Variants in KIAA0513 observed in about 807,000 individuals in gnomAD.
The protein encoded by KIAA0513 is KIAA0513.
In KIAA0513, 39 loss-of-function variants were observed where a neutral mutation model predicts 56.5. The ratio of observed to expected loss-of-function variants is 0.69; its 90% CI spans 0.53 to 0.90. KIAA0513 has a LOEUF of 0.90. KIAA0513 is among the 40% of genes least tolerant of loss of function. The pLI is 0.00. For synonymous variants in KIAA0513, 268 were observed against 215.6 expected (o/e 1.24, Z -2.13); for missense variants, 591 against 535.2 (o/e 1.10, Z -1.03).
intron 2 of KIAA0513, among the ~76,000 whole-genome samples, chr16:85,071,502 A>C (rs934765786): frequency 2.6e-5 from 4 of 152,256 alleles, no homozygotes; most frequent in Admixed American, 2.0e-4. Flanking sequence ...GGCGCAGGGG[A>C]AGGACATGGG....
At chr16:85,063,907 T>G (rs1302279778) in intron 1 of KIAA0513, among the ~76,000 whole-genome samples, 17 of 152,146 alleles carry the variant, frequency 1.1e-4, no homozygotes, top group Non-Finnish European at 4.4e-5. Flanking sequence ...TTCTGTTTAC[T>G]TCACTAGAAA....
chr16:85,069,422 G>C (rs374994735), intron 2 of KIAA0513, among the ~76,000 whole-genome samples: 1 of 152,154 alleles, frequency 6.6e-6, no homozygotes, highest in East Asian at 1.9e-4. Flanking sequence ...TTCCCTGGAT[G>C]GCCGTTCTTT....
Position 85,089,211 on chromosome 16 carries a change from C to G in KIAA0513, c.*886C>G, listed in dbSNP as rs561677293. On this transcript the variant is annotated 3_prime_UTR_variant, in exon 13 of 13. Coordinates refer to ENST00000683363, the MANE Select transcript of KIAA0513 (RefSeq NM_001388359.1). The surrounding 1 kb of genome is among the most constrained non-coding windows in gnomAD (Gnocchi z 4.2). ...GTTTCTTTAGTAGCCACTAGACAAC[C>G]ACCCTTTCTGAAAGCAAACAGTGCT... 13 of 152,390 alleles carry G rather than the reference C, an allele frequency of 8.5e-5. No individual in the cohort carries two copies. The East Asian group carries it at 2.1e-3, about 25-fold the overall frequency. The allele number at this position is 152,390 out of a possible 1,614,324, so 9.4% of individuals were successfully genotyped here. A position where few individuals can be genotyped will look rare whatever the true frequency, so the allele number is the denominator to read the frequency against.
chr16:85,063,879 T>C (rs1045135085), intron 1 of KIAA0513, among the ~76,000 whole-genome samples: 19 of 152,112 alleles, frequency 1.2e-4, no homozygotes, highest in African/African-American at 4.3e-4. Flanking sequence ...TCAGTAAACC[T>C]TGGCTGACCG....
intron 1 of KIAA0513, among the ~76,000 whole-genome samples, chr16:85,041,456 ATCT>A (rs1400759533): frequency 6.6e-6 from 1 of 152,162 alleles, no homozygotes; most frequent in African/African-American, 2.4e-5. Context: ...CGTGGCTGTC[ATCT>A]TCTCTGTATG....
intron 4 of KIAA0513, among the ~76,000 whole-genome samples, chr16:85,074,061 G>A (rs907974842): frequency 5.3e-5 from 8 of 151,790 alleles, no homozygotes; most frequent in Non-Finnish European, 8.8e-5. Flanking sequence ...TGCAACCTCC[G>A]CCTCCCGGTT....
chr16:85,056,782 C>T (rs1018707803), intron 1 of KIAA0513, among the ~76,000 whole-genome samples: 11 of 152,180 alleles, frequency 7.2e-5, no homozygotes, highest in African/African-American at 2.4e-4. Context: ...TTACTGTAGC[C>T]TTGAACATCT....
chr16:85,059,172 G>T (rs368494765), intron 1 of KIAA0513, among the ~76,000 whole-genome samples: 1 of 152,202 alleles, frequency 6.6e-6, no homozygotes, highest in African/African-American at 2.4e-5. Context: ...TTTTGGCTCA[G>T]ATAGGGTGTC....
At chr16:85,060,956 C>T (rs988882102) in intron 1 of KIAA0513, among the ~76,000 whole-genome samples, 7 of 151,812 alleles carry the variant, frequency 4.6e-5, no homozygotes, top group Non-Finnish European at 8.8e-5. Flanking sequence ...GAGTTCGAGA[C>T]CAACCTGGCC....
chr16:85,081,318 C>G lies in KIAA0513; in HGVS notation c.906C>G (p.His302Gln), dbSNP rs753540393. The G allele has an allele frequency of 2.5e-6, 4 of 1,612,526 alleles. No homozygotes were observed. The highest frequency in any genetic ancestry group is 3.4e-6 in the Non-Finnish European group (4 of 1,179,394). Residue 302 changes from histidine (H) to glutamine (Q), a missense_variant, in exon 9 of 13, where the codon CAC (histidine) becomes CAG (glutamine). Physicochemically the swap from His to Gln is conservative, Grantham distance 24 (BLOSUM62 0). Coordinates refer to ENST00000683363, the MANE Select transcript of KIAA0513 (RefSeq NM_001388359.1). This position sits in a 1 kb window ranked among gnomAD's most constrained non-coding sequence, Gnocchi z 4.4. ...TGACTGGGGCTCTGTCTTGCAGGCACACTCTGAGGTTCTGGAATGCAGCCT... is the reference window on the plus strand; with the variant it reads ...TGACTGGGGCTCTGTCTTGCAGGCAGACTCTGAGGTTCTGGAATGCAGCCT... ...YTHLKQQPIW[H>Q]TLRFWNAAFF...
intron 9 of KIAA0513, 108 bp from the exon 10 acceptor site, chr16:85,082,456 C>A: frequency 9.6e-7 from 1 of 1,040,186 alleles, no homozygotes; most frequent in Non-Finnish European, 1.5e-6. Flanking sequence ...TGTCCCGCTC[C>A]GTTTCTGCCT....
At chr16:85,053,412 C>T (rs1567529010) in intron 1 of KIAA0513, among the ~76,000 whole-genome samples, 1 of 152,190 alleles carries the variant, frequency 6.6e-6, no homozygotes, top group African/African-American at 2.4e-5. Flanking sequence ...AACTGTATCT[C>T]TTGGTTTTAT....
chr16:85,035,134 C>T (rs139311983), intron 1 of KIAA0513, among the ~76,000 whole-genome samples: 2 of 152,324 alleles, frequency 1.3e-5, no homozygotes, highest in African/African-American at 4.8e-5. Context: ...TTCCCGGAGC[C>T]CCCAGTTCTC....
intron 1 of KIAA0513, among the ~76,000 whole-genome samples, chr16:85,032,216 C>T (rs557756923): frequency 2.6e-5 from 4 of 152,332 alleles, no homozygotes; most frequent in African/African-American, 9.6e-5. Context: ...CCCCTGTGGC[C>T]ACATGGCCTA....
At chr16:85,051,174 A>G (rs1396644833) in intron 1 of KIAA0513, among the ~76,000 whole-genome samples, 2 of 151,932 alleles carry the variant, frequency 1.3e-5, no homozygotes, top group African/African-American at 4.8e-5. Flanking sequence ...AAAAGAAAGG[A>G]CCCAGTTGAA....
At chr16:85,080,469 C>G (rs1021493944) in intron 8 of KIAA0513, among the ~76,000 whole-genome samples, 2 of 152,198 alleles carry the variant, frequency 1.3e-5, no homozygotes, top group African/African-American at 4.8e-5. Flanking sequence ...AGCCTACACA[C>G]CATCGTTTGC....
chr16:85,070,821 G>A (rs917162260), intron 2 of KIAA0513, among the ~76,000 whole-genome samples: 2 of 152,218 alleles, frequency 1.3e-5, no homozygotes, highest in African/African-American at 4.8e-5. Context: ...AACGAAAGGG[G>A]AAAATGCCCA....
intron 1 of KIAA0513, among the ~76,000 whole-genome samples, chr16:85,053,293 A>T (rs182760866): frequency 2.4e-4 from 37 of 152,342 alleles, no homozygotes; most frequent in Non-Finnish European, 3.8e-4. Flanking sequence ...TACTCAGGAA[A>T]CACCCAGCGA....
intron 3 of KIAA0513, 149 bp from the exon 4 acceptor site, chr16:85,072,776 G>A: frequency 1.4e-6 from 1 of 717,712 alleles, no homozygotes; most frequent in South Asian, 1.7e-5. Context: ...TGGCAGAAGG[G>A]GTGGGTTCTA....
Sources: gnomAD v4.1 joint callset for allele counts (sites outside exome capture counted in the v4.1 genomes callset) on GRCh38, gnomAD v4.1.1 for gene constraint, Gnocchi (gnomAD v3.1) non-coding constraint, MANE v1.5 for transcripts, NCBI Gene and HGNC (gene_info 2026-07-23, HGNC 2026-07-21) for gene names.